Variants in LRRTM3 observed in about 807,000 individuals in gnomAD.
The protein encoded by LRRTM3 is leucine-rich repeat transmembrane neuronal protein 3.
Under a neutral mutation model 44.7 loss-of-function variants are expected in LRRTM3, and 24 were observed. That is an observed-to-expected ratio of 0.54 (90% CI 0.39 to 0.76). The LOEUF (loss-of-function observed/expected upper bound fraction) is 0.76, where lower values mean the gene tolerates loss of function less well. LRRTM3 is among the 30% of genes least tolerant of loss of function. LRRTM3 has a pLI of 0.00. For synonymous variants in LRRTM3, 277 were observed against 278.7 expected (o/e 0.99, Z 0.06); for missense variants, 587 against 702.2 (o/e 0.84, Z 1.85).
At chr10:67,006,539 A>G (rs1056941119) in intron 2 of LRRTM3, among the ~76,000 whole-genome samples, 6 of 106,866 alleles carry the variant, frequency 5.6e-5, no homozygotes, top group African/African-American at 1.9e-4. Flanking sequence ...GATGTTTTCT[A>G]TTCTCTTATA....
chr10:66,950,594 A>G (rs968465955), intron 2 of LRRTM3, among the ~76,000 whole-genome samples: 13 of 152,046 alleles, frequency 8.6e-5, no homozygotes, highest in African/African-American at 3.1e-4. Context: ...TATTTTATAT[A>G]TTTTTAATAA....
intron 2 of LRRTM3, among the ~76,000 whole-genome samples, chr10:66,993,716 A>C (rs1445250569): frequency 6.6e-6 from 1 of 151,830 alleles, no homozygotes; most frequent in African/African-American, 2.4e-5. Flanking sequence ...AAAACAGATA[A>C]AACCTCCATC....
At chr10:66,957,916 T>G (rs925812587) in intron 2 of LRRTM3, among the ~76,000 whole-genome samples, 2 of 152,000 alleles carry the variant, frequency 1.3e-5, no homozygotes, top group Admixed American at 6.6e-5. Flanking sequence ...ATATGAACCC[T>G]ACATATGGCC....
intron 2 of LRRTM3, among the ~76,000 whole-genome samples, chr10:66,986,594 T>G (rs1850741653): frequency 6.6e-6 from 1 of 152,118 alleles, no homozygotes; most frequent in Non-Finnish European, 1.5e-5. Context: ...ACTCTGTAGT[T>G]TATAGGAGAA....
intron 2 of LRRTM3, chr10:67,012,451 G>T (rs1852398704): frequency 6.6e-6 from 1 of 152,096 alleles, no homozygotes; most frequent in Non-Finnish European, 1.5e-5. Flanking sequence ...GCTCACAATT[G>T]TGAGGAAATT....
At chr10:66,952,212 G>C (rs1564790430) in intron 2 of LRRTM3, among the ~76,000 whole-genome samples, 1 of 152,168 alleles carries the variant, frequency 6.6e-6, no homozygotes, top group Non-Finnish European at 1.5e-5. Context: ...TCTTTGCTAA[G>C]ATCCAAAATG....
intron 2 of LRRTM3, among the ~76,000 whole-genome samples, chr10:66,965,737 T>C (rs901644208): frequency 6.6e-6 from 1 of 152,094 alleles, no homozygotes; most frequent in African/African-American, 2.4e-5. Flanking sequence ...TCTTCTTTTA[T>C]TTCTTTGCTC....
At chr10:66,971,421 C>T (rs1392987624) in intron 2 of LRRTM3, among the ~76,000 whole-genome samples, 2 of 32,794 alleles carry the variant, frequency 6.1e-5, no homozygotes, top group African/African-American at 9.3e-5. Flanking sequence ...AGAGAGACTC[C>T]GTCTCAAAAA....
intron 2 of LRRTM3, among the ~76,000 whole-genome samples, chr10:67,003,418 T>C (rs1851792312): frequency 6.6e-6 from 1 of 152,140 alleles, no homozygotes; most frequent in South Asian, 2.1e-4. Flanking sequence ...GTTCCAAGTA[T>C]TTCAGTCTTA....
chr10:66,983,489 G>A (rs916685570), intron 2 of LRRTM3, among the ~76,000 whole-genome samples: 16 of 152,230 alleles, frequency 1.1e-4, no homozygotes, highest in African/African-American at 3.4e-4. Context: ...AATACAGAAG[G>A]ACTGCATTTG....
intron 2 of LRRTM3, among the ~76,000 whole-genome samples, chr10:67,005,751 T>C (rs1851948352): frequency 7.6e-6 from 1 of 132,248 alleles, no homozygotes; most frequent in South Asian, 2.8e-4. Context: ...AATGGTATGA[T>C]CTTGACTCAC....
intron 2 of LRRTM3, among the ~76,000 whole-genome samples, chr10:67,037,395 A>G (rs1415015089): frequency 6.6e-6 from 1 of 152,030 alleles, no homozygotes; most frequent in African/African-American, 2.4e-5. Flanking sequence ...AAAGAAAAAA[A>G]AAACATAATT....
chr10:67,087,810 A>G (rs1672008915), intron 2 of LRRTM3, among the ~76,000 whole-genome samples: 1 of 152,052 alleles, frequency 6.6e-6, no homozygotes, highest in Non-Finnish European at 1.5e-5. Context: ...TTCTTCTCAG[A>G]CTATATTAAC....
chr10:67,082,475 G>A (rs1325172954), intron 2 of LRRTM3, among the ~76,000 whole-genome samples: 1 of 152,094 alleles, frequency 6.6e-6, no homozygotes, highest in Non-Finnish European at 1.5e-5. Flanking sequence ...AGCAGATTTT[G>A]CAAAGGGCTA....
chr10:67,059,607 T>G (rs960048585), intron 2 of LRRTM3, among the ~76,000 whole-genome samples: 2 of 152,226 alleles, frequency 1.3e-5, no homozygotes, highest in Non-Finnish European at 2.9e-5. Context: ...TTTCCTTTTT[T>G]TAAAGTTGTC....
chr10:67,043,526 G>T (rs1191689133), intron 2 of LRRTM3, among the ~76,000 whole-genome samples: 2 of 152,058 alleles, frequency 1.3e-5, no homozygotes, highest in African/African-American at 4.8e-5. Flanking sequence ...TTATTTCAAT[G>T]ATTTCTCTGC....
chr10:66,977,434 C>CA (rs11368044), intron 2 of LRRTM3, among the ~76,000 whole-genome samples: 33,179 of 144,932 alleles, frequency 0.23, 4,122 homozygotes, highest in Middle Eastern at 0.3. Context: ...AACTCTGTCT[C>CA]AAAAAAAAAA....
intron 2 of LRRTM3, among the ~76,000 whole-genome samples, chr10:66,992,568 T>C (rs1445438851): frequency 2.0e-5 from 3 of 152,260 alleles, no homozygotes; most frequent in Middle Eastern, 3.4e-3. Context: ...AAATTTAAAT[T>C]CTAATGAATA....
intron 2 of LRRTM3, among the ~76,000 whole-genome samples, chr10:67,078,393 G>T (rs914425801): frequency 6.6e-6 from 1 of 152,072 alleles, no homozygotes; most frequent in African/African-American, 2.4e-5. Flanking sequence ...AAATGAGAAA[G>T]AAAATGATCA....
Sources: allele counts gnomAD v4.1 joint callset (sites outside exome capture counted in the v4.1 genomes callset), GRCh38; gene constraint gnomAD v4.1.1; transcripts MANE v1.5; gene names NCBI Gene and HGNC (gene_info 2026-07-23, HGNC 2026-07-21).